WDFY3: variants seen among roughly 807,000 people sequenced by gnomAD.
The protein encoded by WDFY3 is WD repeat and FYVE domain-containing protein 3.
Under a neutral mutation model 409.6 loss-of-function variants are expected in WDFY3, and 66 were observed. The observed-to-expected ratio is 0.16, with a 90% confidence interval of 0.13 to 0.20. The LOEUF is 0.20. Among genes scored for constraint, WDFY3 ranks in the 10% least tolerant of loss-of-function variants. WDFY3 has a pLI of 1.00. For missense variants in WDFY3, 3,031 were observed against 4,298.1 expected (o/e 0.71, Z 8.24); for synonymous variants, 1,521 against 1,537.1 (o/e 0.99, Z 0.25).
chr4:84,810,314 G>A lies in WDFY3; in HGVS notation c.1918C>T (p.Arg640Cys), dbSNP rs771523130. Residue 640 changes from arginine to cysteine, a missense_variant, in exon 14 of 68, where the codon CGT (arginine) becomes TGT (cysteine). Arg to Cys is a radical substitution (Grantham distance 180). This residue lies in a region of WDFY3 where 1,322 missense variants were observed against 1,697.9 expected (regional missense o/e 0.78). Transcript: ENST00000295888. ...ALLSVLRESH[R>C]SRTVFRKVGG... ...ACTTTCCTAAAAACTGTTCTTGAAC[G>A]ATGGCTTTCTCGAAGGACCGACAGG... 2.5e-6 allele frequency: 4 copies of A among 1,606,500 alleles called. No individual in the cohort carries two copies. The highest frequency in any genetic ancestry group is 2.5e-6 in the Non-Finnish European group (3 of 1,176,562).
At chr4:84,732,959 A>G (rs1427323429) in intron 44 of WDFY3, among the ~76,000 whole-genome samples, 1 of 152,232 alleles carries the variant, frequency 6.6e-6, no homozygotes, top group Non-Finnish European at 1.5e-5. Context: ...GTTCTAATAT[A>G]CAGTGCTTAT....
At position 84,810,153 on chromosome 4, in the gene WDFY3, A is replaced by T; in HGVS notation, c.2079T>A (p.Thr693=). 1 of 1,614,162 alleles carries T rather than the reference A, an allele frequency of 6.2e-7. No homozygotes were observed. The highest frequency in any genetic ancestry group is 8.5e-7 in the Non-Finnish European group (1 of 1,180,000). Reference sequence around the variant, plus strand: ...TGGCTGGCTCATAGCGCATTGCTGCAGTCAACGTGCAGAACACAGTGTGAA... The same window carrying T: ...TGGCTGGCTCATAGCGCATTGCTGCTGTCAACGTGCAGAACACAGTGTGAA... ...ELLHTVFCTL[T]AAMRYEPANS... The change falls in exon 14 of 68, where the codon ACT becomes ACA. Residue 693 remains threonine, a synonymous_variant. Coordinates refer to ENST00000295888, the MANE Select transcript of WDFY3 (RefSeq NM_014991.6).
rs1178850039 is a variant in WDFY3 at position 84,794,448 on chromosome 4, T to C, written c.3487+71A>G. 8 of 1,418,898 alleles carry C rather than the reference T, an allele frequency of 5.6e-6. No homozygotes were observed. In the East Asian group the frequency reaches 1.9e-4, roughly 34 times the overall value. 87.9% of individuals were successfully genotyped at this position (1,418,898 alleles called of 1,614,324 possible). ...TGAAAAGTTATTATTAGCTGGACTTTTAAAATAAATACAAAAATGAAGTTT... is the reference window on the plus strand; with the variant it reads ...TGAAAAGTTATTATTAGCTGGACTTCTAAAATAAATACAAAAATGAAGTTT... On this transcript the variant is annotated intron_variant, in intron 21 of 67. Coordinates refer to ENST00000295888, the MANE Select transcript of WDFY3 (RefSeq NM_014991.6).
intron 5 of WDFY3, chr4:84,844,448 G>C: frequency 7.8e-7 from 1 of 1,289,272 alleles, no homozygotes; most frequent in Non-Finnish European, 1.0e-6. Flanking sequence ...TCTTGGGAAT[G>C]AAATTACCTG....
rs559266391 is a variant in WDFY3, at chr4:84,753,406, TAAATGAATC to T, written c.5739+282_5739+290del. 3.1e-3 allele frequency among the ~76,000 whole-genome samples: 477 copies of T among 152,156 alleles called. 3 individuals carry two copies. The highest frequency in any genetic ancestry group is 0.011 in the African/African-American group (459 of 41,520). On this transcript the variant is annotated intron_variant, in intron 35 of 67. Transcript: ENST00000295888. ...ACTACACAGCTGGCATCGCGTAAAATAAATGAATCAACTACTTGAAAAGGGAAATTACTA... is the reference window on the plus strand; with the variant it reads ...ACTACACAGCTGGCATCGCGTAAAATAACTACTTGAAAAGGGAAATTACTA...
At chr4:84,870,144 C>T (rs1445042975) in intron 3 of WDFY3, among the ~76,000 whole-genome samples, 1 of 152,138 alleles carries the variant, frequency 6.6e-6, no homozygotes, top group Admixed American at 6.5e-5. Context: ...ATTCACGGTA[C>T]ATCCATGTCA....
chr4:84,853,577 A>T (rs1473611425), intron 4 of WDFY3, among the ~76,000 whole-genome samples: 1 of 152,200 alleles, frequency 6.6e-6, no homozygotes, highest in African/African-American at 2.4e-5. Context: ...TTTTATTGCT[A>T]ATAGTTATTA....
At chr4:84,762,707 T>G (rs1462695644) in intron 32 of WDFY3, among the ~76,000 whole-genome samples, 1 of 152,202 alleles carries the variant, frequency 6.6e-6, no homozygotes, top group Non-Finnish European at 1.5e-5. Context: ...TATTGTTTTC[T>G]TTGCCCTCAT....
chr4:84,714,119 A>C (rs1733417435), intron 50 of WDFY3, among the ~76,000 whole-genome samples: 1 of 152,102 alleles, frequency 6.6e-6, no homozygotes, highest in Non-Finnish European at 1.5e-5. Context: ...TGTCTAAAAA[A>C]AAAAAAAATC....
rs2148986154 is a variant in WDFY3 at position 84,708,918 on chromosome 4, A to G, written c.8208T>C (p.Tyr2736=). The G allele has an allele frequency of 1.2e-6, 2 of 1,613,182 alleles. No homozygotes were observed. Among genetic ancestry groups the G allele is most frequent in the Non-Finnish European group, 1.7e-6 (2 of 1,179,712 alleles). The change falls in exon 53 of 68, where the codon TAT becomes TAC. Residue 2736 remains tyrosine, a synonymous_variant. Transcript: ENST00000295888. ...YPVFPWILAD[Y]DSEEVDLTNP... is the part of the protein sequence containing the mutation. ...ATGACTTAAGATTTACCTCTGAGTC[A>G]TAATCTGCAAGGATCCAGGGGAAGA... is the stretch of plus-strand genomic sequence containing the variant.
intron 1 of WDFY3, among the ~76,000 whole-genome samples, chr4:84,950,323 G>A (rs1245826493): frequency 2.0e-5 from 3 of 151,562 alleles, no homozygotes; most frequent in Non-Finnish European, 2.9e-5. Flanking sequence ...CTAGATGATG[G>A]GTTAATAGGT....
intron 24 of WDFY3, 146 bp from the exon 25 acceptor site, chr4:84,783,220 C>T (rs1482668729): frequency 2.7e-6 from 2 of 739,410 alleles, no homozygotes; most frequent in Non-Finnish European, 4.5e-6. Context: ...TAGGTCCAGC[C>T]TGGTGGCTCA....
rs182820936 is a variant in WDFY3 at position 84,750,345 on chromosome 4, C to T, written c.5973+1138G>A. On this transcript the variant is annotated intron_variant, in intron 36 of 67. Coordinates refer to ENST00000295888, the MANE Select transcript of WDFY3 (RefSeq NM_014991.6). ...GTTAAATGCTTAGCATAACTGGTAC[C>T]CTAATTACATTAGTGATTTTAAAAA... 1.4e-3 allele frequency among the ~76,000 whole-genome samples: 219 copies of T among 152,094 alleles called. 2 individuals are homozygous for T. Among genetic ancestry groups the T allele is most frequent in the South Asian group, 4.6e-3 (22 of 4,814 alleles).
chr4:84,732,244 A>C (rs528032095), intron 44 of WDFY3, among the ~76,000 whole-genome samples: 3 of 152,204 alleles, frequency 2.0e-5, no homozygotes, highest in Admixed American at 6.5e-5. Context: ...ACCTACGCAT[A>C]TTATTATTTT....
At chr4:84,860,144 C>T (rs1760397459) in intron 4 of WDFY3, among the ~76,000 whole-genome samples, 1 of 152,148 alleles carries the variant, frequency 6.6e-6, no homozygotes, top group East Asian at 1.9e-4. Context: ...AAATCTCAAC[C>T]ATAACAGGGC....
intron 3 of WDFY3, among the ~76,000 whole-genome samples, chr4:84,885,217 C>T (rs1764037787): frequency 6.6e-6 from 1 of 151,822 alleles, no homozygotes; most frequent in Non-Finnish European, 1.5e-5. Flanking sequence ...GTTGGCCAGG[C>T]TGGTCTTGAA....
At chr4:84,677,955 C>T (rs1329980858) in intron 66 of WDFY3, among the ~76,000 whole-genome samples, 2 of 112,732 alleles carry the variant, frequency 1.8e-5, no homozygotes, top group Admixed American at 2.1e-4. Context: ...GAACAAGACC[C>T]TGTCTCAAAA....
chr4:84,761,016 C>T (rs1172108601), intron 32 of WDFY3, among the ~76,000 whole-genome samples: 6 of 151,426 alleles, frequency 4.0e-5, no homozygotes, highest in East Asian at 3.9e-4. Flanking sequence ...TCTTTGTTCT[C>T]GTTGGTTTCA....
chr4:84,775,059 T>G lies in WDFY3; in HGVS notation c.4592+6A>C. ...AATAATTAACTACGTGGGTATTAATTAATACCTGGACTCTGTGAGCAGTTC... is the reference window on the plus strand; with the variant it reads ...AATAATTAACTACGTGGGTATTAATGAATACCTGGACTCTGTGAGCAGTTC... On this transcript the variant is annotated splice_donor_region_variant and intron_variant, in intron 28 of 67. Coordinates refer to ENST00000295888, the MANE Select transcript of WDFY3 (RefSeq NM_014991.6). The G allele has an allele frequency of 2.5e-6, 4 of 1,613,682 alleles. No homozygotes were observed. The highest frequency in any genetic ancestry group is 3.4e-6 in the Non-Finnish European group (4 of 1,179,800).
Sources: gnomAD v4.1 joint callset for allele counts (sites outside exome capture counted in the v4.1 genomes callset) on GRCh38, gnomAD v4.1.1 for gene constraint, gnomAD v4.1.1 regional missense constraint, MANE v1.5 for transcripts, NCBI Gene and HGNC (gene_info 2026-07-23, HGNC 2026-07-21) for gene names.